RGS20: variants seen among roughly 807,000 people sequenced by gnomAD.
RGS20 encodes the protein regulator of G protein signaling 20.
A neutral mutation model predicts 33.6 loss-of-function variants in RGS20; 30 were observed. The observed-to-expected ratio is 0.89, with a 90% CI of 0.67 to 1.21. The LOEUF is 1.21. RGS20 is among the 50% of genes most tolerant of loss of function. The pLI, the probability that RGS20 is intolerant of heterozygous loss-of-function variation, is 0.00. For missense variants in RGS20, 472 were observed against 502.4 expected, an observed-to-expected ratio of 0.94 and a Z score of 0.58; for synonymous variants, 208 against 197.9, an observed-to-expected ratio of 1.05 and a Z score of -0.43.
chr8:53,921,816 T>C (rs1417629638), intron 2 of RGS20, among the ~76,000 whole-genome samples: 9 of 152,280 alleles, frequency 5.9e-5, no homozygotes, highest in Middle Eastern at 3.4e-3. Flanking sequence ...GAATTTTCTC[T>C]TTTGTATTTT....
intron 1 of RGS20, among the ~76,000 whole-genome samples, chr8:53,870,166 C>T (rs899501487): frequency 2.0e-5 from 3 of 152,202 alleles, no homozygotes; most frequent in Non-Finnish European, 4.4e-5. Context: ...AACCACCATT[C>T]TCTCACCCAA....
chr8:53,866,532 A>G (rs1040617217), intron 1 of RGS20, among the ~76,000 whole-genome samples: 44 of 151,962 alleles, frequency 2.9e-4, no homozygotes, highest in African/African-American at 9.2e-4. Context: ...GGCACCCACC[A>G]TCACACGCCT....
intron 3 of RGS20, among the ~76,000 whole-genome samples, chr8:53,944,355 T>C (rs1392989715): frequency 6.6e-6 from 1 of 152,040 alleles, no homozygotes; most frequent in African/African-American, 2.4e-5. Context: ...AGGACCAACA[T>C]AGTGAAACCC....
At chr8:53,953,834 T>C (rs1814781376) in intron 4 of RGS20, among the ~76,000 whole-genome samples, 1 of 152,222 alleles carries the variant, frequency 6.6e-6, no homozygotes, top group Non-Finnish European at 1.5e-5. Flanking sequence ...TTAGCATTTA[T>C]TCTAGCAACT....
chr8:53,925,288 C>T (rs1165389305), intron 2 of RGS20, among the ~76,000 whole-genome samples: 1 of 152,098 alleles, frequency 6.6e-6, no homozygotes, highest in Non-Finnish European at 1.5e-5. Flanking sequence ...TCAGCCATTT[C>T]AGGCTGTAGT....
Position 53,879,521 on chromosome 8 carries a change from G to A in RGS20, c.429G>A (p.Gly143=). The A allele has an allele frequency of 1.3e-6, 2 of 1,544,004 alleles. No individual in the cohort carries two copies. The highest frequency in any genetic ancestry group is 1.7e-6 in the Non-Finnish European group (2 of 1,146,106). Residue 143 remains glycine, a synonymous_variant, in exon 2 of 6, where the codon GGG becomes GGA. Transcript: ENST00000297313. The stretch of plus-strand genomic sequence containing the variant: ...TGGCACTGCCCGGCCGACCCTCGGG[G>A]GGTCGTCCGCTGAGGCCCCCCCATC...
chr8:53,939,518 T>C, intron 2 of RGS20, 58 bp from the exon 2 acceptor site: 1 of 1,423,346 alleles, frequency 7.0e-7, no homozygotes, highest in South Asian at 1.6e-5. Flanking sequence ...TCCCTGGGCT[T>C]ACGCCTTCAT....
chr8:53,927,200 C>A (rs973370460), intron 2 of RGS20, among the ~76,000 whole-genome samples: 7 of 131,346 alleles, frequency 5.3e-5, no homozygotes, highest in African/African-American at 1.9e-4. Flanking sequence ...TTTTTTGGGG[C>A]GTTTTTTTTT....
chr8:53,949,283 A>C lies in RGS20; in HGVS notation c.743+2535A>C, dbSNP rs549481041. Among the ~76,000 whole-genome samples the C allele has an allele frequency of 3.5e-4, 52 of 147,826 alleles. 1 individual carries two copies. The highest frequency in any genetic ancestry group is 1.2e-3 in the African/African-American group (50 of 40,688). The stretch of plus-strand genomic sequence containing the variant: ...ATATACTATATATAAGATACAGTAT[A>C]TATTTATATATACTATATATAAGAT... On this transcript the variant is annotated intron_variant, in intron 4 of 5. Transcript: ENST00000297313.
chr8:53,891,220 AC>A (rs1476423815), intron 2 of RGS20, among the ~76,000 whole-genome samples: 2 of 152,280 alleles, frequency 1.3e-5, no homozygotes, highest in East Asian at 3.9e-4. Context: ...GAACTCTCTT[AC>A]TCAGAAATTT....
At position 53,877,726 on chromosome 8, in the gene RGS20, G is replaced by A. The variant is rs376751272; in HGVS notation, c.166-1532G>A. The stretch of plus-strand genomic sequence containing the variant: ...CTCCAGGAAAAGGTAATGAGGGGAA[G>A]TGAAACAGTGTGAACTTACTCGGAA... On this transcript the variant is annotated intron_variant, in intron 1 of 5. Coordinates refer to ENST00000297313, the MANE Select transcript of RGS20 (RefSeq NM_170587.4). The surrounding 1 kb of genome is among the most constrained non-coding windows in gnomAD (Gnocchi z 5.7). 9.9e-5 allele frequency among the ~76,000 whole-genome samples: 15 copies of A among 152,232 alleles called. No homozygotes were observed. Among genetic ancestry groups the A allele is most frequent in the African/African-American group, 3.4e-4 (14 of 41,466 alleles).
Position 53,879,435 on chromosome 8 carries a change from C to G in RGS20, c.343C>G (p.Arg115Gly), listed in dbSNP as rs552273436. ...CCTGCTTCCCGCCCTGCCGGCCGCCCGGCTCTCGAGGGGGCACGAGGAGCT... is the reference window on the plus strand; with the variant it reads ...CCTGCTTCCCGCCCTGCCGGCCGCCGGGCTCTCGAGGGGGCACGAGGAGCT... The change falls in exon 2 of 6, where the codon CGG becomes GGG. Residue 115 changes from arginine (R) to glycine (G), a missense_variant. This residue lies in a region of RGS20 where 319 missense variants were observed against 283.4 expected (regional missense o/e 1.13). Transcript: ENST00000297313. 1.9e-6 allele frequency: 3 copies of G among 1,606,230 alleles called. No individual in the cohort carries two copies. Among genetic ancestry groups the G allele is most frequent in the Non-Finnish European group, 2.5e-6 (3 of 1,177,038 alleles).
intron 2 of RGS20, among the ~76,000 whole-genome samples, chr8:53,911,447 C>T (rs1481312141): frequency 6.6e-6 from 1 of 152,136 alleles, no homozygotes; most frequent in African/African-American, 2.4e-5. Flanking sequence ...CGGTGCATAA[C>T]TGGATCAAGA....
chr8:53,880,949 G>T, intron 2 of RGS20: 1 of 1,566,022 alleles, frequency 6.4e-7, no homozygotes, highest in Non-Finnish European at 8.6e-7. Flanking sequence ...AAGGCGCGGT[G>T]AGCAATCGCC....
chr8:53,892,225 A>G (rs1006590230), intron 2 of RGS20, among the ~76,000 whole-genome samples: 3 of 152,130 alleles, frequency 2.0e-5, no homozygotes, highest in Non-Finnish European at 4.4e-5. Context: ...CGAACTCATC[A>G]TTTTTTATGG....
chr8:53,882,294 G>A (rs1335349610), intron 2 of RGS20, among the ~76,000 whole-genome samples: 2 of 152,200 alleles, frequency 1.3e-5, no homozygotes, highest in Non-Finnish European at 2.9e-5. Flanking sequence ...GTGGGGAAGG[G>A]GCTTTGGGAG....
At chr8:53,879,230 T>C (rs1474076837) in intron 1 of RGS20, 1 of 1,592,344 alleles carries the variant, frequency 6.3e-7, no homozygotes, top group East Asian at 2.2e-5. Flanking sequence ...AACCGTATGC[T>C]GGTTTTGTTT....
rs538595446 is a variant in RGS20 at position 53,902,230 on chromosome 8, C to T, written c.510+22628C>T. Among the ~76,000 whole-genome samples, 9 of 152,142 alleles carry T rather than the reference C, an allele frequency of 5.9e-5. No individual in the cohort carries two copies. The South Asian group carries it at 1.2e-3, about 21-fold the overall frequency. On this transcript the variant is annotated intron_variant, in intron 2 of 5. Transcript: ENST00000297313. ...CAGGGTTTTGCCATGTTGCCCAGGCCGGTCTCAACTCCACCCGCTGTGTCC... is the reference window on the plus strand; with the variant it reads ...CAGGGTTTTGCCATGTTGCCCAGGCTGGTCTCAACTCCACCCGCTGTGTCC...
rs1199532853 is a variant in RGS20, at chr8:53,954,292, TATA to T, written c.961_963del (p.Ile321del). 2 of 1,606,834 alleles carry T rather than the reference TATA, an allele frequency of 1.2e-6. No homozygotes were observed. The highest frequency in any genetic ancestry group is 1.7e-6 in the Non-Finnish European group (2 of 1,173,932). ...GGATAATCTATGAAGACTACATTTC[TATA>T]CTTTCTCCTAAGGAGGTATGTGACC... On this transcript the variant is annotated inframe_deletion, in exon 5 of 6. Coordinates refer to ENST00000297313, the MANE Select transcript of RGS20 (RefSeq NM_170587.4).
Sources: gnomAD v4.1 joint callset for allele counts (sites outside exome capture counted in the v4.1 genomes callset) on GRCh38, gnomAD v4.1.1 for gene constraint, gnomAD v4.1.1 regional missense constraint, Gnocchi (gnomAD v3.1) non-coding constraint, MANE v1.5 for transcripts, NCBI Gene and HGNC (gene_info 2026-07-23, HGNC 2026-07-21) for gene names.